The following CACNA2D3 variants were observed in gnomAD, a reference collection of about 807,000 sequenced individuals.
The protein encoded by CACNA2D3 is voltage-dependent calcium channel subunit alpha-2/delta-3.
A neutral mutation model predicts 160.6 loss-of-function variants in CACNA2D3; 60 were observed. The ratio of observed to expected loss-of-function variants is 0.37; its 90% CI spans 0.30 to 0.46. The LOEUF (loss-of-function observed/expected upper bound fraction) is 0.46. Among genes scored for constraint, CACNA2D3 ranks in the 20% least tolerant of loss-of-function variants. The pLI is 1.00. For missense variants in CACNA2D3, 1,205 were observed against 1,365.0 expected (o/e 0.88, Z 1.85); for synonymous variants, 558 against 492.9 (o/e 1.13, Z -1.75).
intron 27 of CACNA2D3, among the ~76,000 whole-genome samples, chr3:54,950,573 G>T (rs1701733253): frequency 6.6e-6 from 1 of 152,204 alleles, no homozygotes. Flanking sequence ...GCAATTCAAA[G>T]AATGCTGCTT....
chr3:54,752,751 A>T, intron 12 of CACNA2D3, 74 bp downstream of exon 12: 1 of 1,030,606 alleles, frequency 9.7e-7, no homozygotes, highest in Non-Finnish European at 1.5e-6. Flanking sequence ...TTCATGAGAA[A>T]GTAGAGAGTT....
intron 9 of CACNA2D3, among the ~76,000 whole-genome samples, chr3:54,615,628 A>C (rs570426110): frequency 8.1e-4 from 123 of 152,340 alleles, no homozygotes; most frequent in African/African-American, 2.9e-3. Context: ...TTTGTTTTTA[A>C]AATGTTTACA....
At chr3:54,488,888 A>G (rs1005824778) in intron 4 of CACNA2D3, among the ~76,000 whole-genome samples, 1 of 152,148 alleles carries the variant, frequency 6.6e-6, no homozygotes, top group Admixed American at 6.5e-5. Context: ...CAAGATCCCC[A>G]GTCAAGGAGT....
At chr3:54,556,749 T>C (rs1205073338) in intron 5 of CACNA2D3, among the ~76,000 whole-genome samples, 1 of 152,146 alleles carries the variant, frequency 6.6e-6, no homozygotes, top group Non-Finnish European at 1.5e-5. Context: ...CTCAGCAGGT[T>C]GCTGTCATTT....
At chr3:54,337,530 T>G (rs1252264168) in intron 3 of CACNA2D3, among the ~76,000 whole-genome samples, 2 of 152,226 alleles carry the variant, frequency 1.3e-5, no homozygotes, top group African/African-American at 4.8e-5. Flanking sequence ...TGTCTCTGCA[T>G]TAGTGGAAAA....
intron 2 of CACNA2D3, among the ~76,000 whole-genome samples, chr3:54,286,172 A>C (rs1424100379): frequency 1.3e-5 from 2 of 152,208 alleles, no homozygotes; most frequent in Non-Finnish European, 2.9e-5. Flanking sequence ...AAGAAGTTAA[A>C]AACTTTGAAA....
Position 54,925,360 on chromosome 3 carries a change from G to A in CACNA2D3, c.2449+25492G>A, listed in dbSNP as rs549638400. ...TGCAAGAGAGGTTCTGTCACTCACC[G>A]TCTTTAGTAGAGCCAGGCTGGTCAG... On this transcript the variant is annotated intron_variant, in intron 27 of 37. Transcript: ENST00000474759. The A allele has an allele frequency of 5.2e-5, 34 of 657,376 alleles. 1 individual carries two copies. The highest frequency in any genetic ancestry group is 2.3e-4 in the African/African-American group (13 of 55,446). 40.7% of individuals were successfully genotyped at this position (657,376 alleles called of 1,614,324 possible). A position where few individuals can be genotyped will look rare whatever the true frequency, so the allele number is the denominator to read the frequency against.
At chr3:54,143,813 T>C (rs1276183533) in intron 2 of CACNA2D3, among the ~76,000 whole-genome samples, 1 of 152,176 alleles carries the variant, frequency 6.6e-6, no homozygotes, top group Non-Finnish European at 1.5e-5. Context: ...GTTAATATTT[T>C]GATGTATTTC....
chr3:54,547,182 A>G (rs773121516), intron 5 of CACNA2D3, among the ~76,000 whole-genome samples: 7 of 152,188 alleles, frequency 4.6e-5, no homozygotes, highest in African/African-American at 1.7e-4. Context: ...GTCCTTGTTA[A>G]TAGTTCTTGG....
intron 2 of CACNA2D3, among the ~76,000 whole-genome samples, chr3:54,191,913 A>T (rs1302782741): frequency 6.6e-6 from 1 of 152,186 alleles, no homozygotes; most frequent in Non-Finnish European, 1.5e-5. Flanking sequence ...ACAACACCAA[A>T]TCCACTGTGT....
intron 27 of CACNA2D3, among the ~76,000 whole-genome samples, chr3:54,945,689 G>A (rs1290050396): frequency 6.6e-6 from 1 of 152,168 alleles, no homozygotes; most frequent in Non-Finnish European, 1.5e-5. Flanking sequence ...CCAAATGCAG[G>A]TTTGACAGTG....
At chr3:54,476,285 CA>C (rs1323852382) in intron 4 of CACNA2D3, among the ~76,000 whole-genome samples, 6 of 149,902 alleles carry the variant, frequency 4.0e-5, no homozygotes, top group African/African-American at 7.3e-5. Context: ...ACATATATCA[CA>C]TTTTTTTTAT....
At chr3:54,845,236 G>T (rs950828638) in intron 16 of CACNA2D3, among the ~76,000 whole-genome samples, 1 of 152,164 alleles carries the variant, frequency 6.6e-6, no homozygotes, top group Non-Finnish European at 1.5e-5. Context: ...ACTTTTAATT[G>T]CCAGTGTTAA....
At chr3:54,202,014 A>C (rs1362269346) in intron 2 of CACNA2D3, among the ~76,000 whole-genome samples, 1 of 152,226 alleles carries the variant, frequency 6.6e-6, no homozygotes, top group Non-Finnish European at 1.5e-5. Context: ...ATTTCAGATA[A>C]ATAACACATA....
At chr3:54,294,258 A>T (rs1174378097) in intron 2 of CACNA2D3, among the ~76,000 whole-genome samples, 1 of 152,172 alleles carries the variant, frequency 6.6e-6, no homozygotes, top group Non-Finnish European at 1.5e-5. Context: ...GCCCATTTGC[A>T]CTTGGTCTTG....
intron 5 of CACNA2D3, among the ~76,000 whole-genome samples, chr3:54,533,331 C>CT (rs1701833999): frequency 1.2e-5 from 1 of 84,888 alleles, no homozygotes; most frequent in African/African-American, 4.3e-5. Flanking sequence ...TCTTTTCTTT[C>CT]CTTTTTTTTT....
intron 31 of CACNA2D3, among the ~76,000 whole-genome samples, chr3:54,994,500 A>G (rs1258541398): frequency 6.6e-6 from 1 of 152,184 alleles, no homozygotes; most frequent in Non-Finnish European, 1.5e-5. Context: ...AACTTTCTGG[A>G]AGGCAGAGAC....
chr3:54,262,305 G>A (rs79222989), intron 2 of CACNA2D3, among the ~76,000 whole-genome samples: 5,191 of 152,242 alleles, frequency 0.034, 114 homozygotes, highest in Non-Finnish European at 0.053. Context: ...ATGTGAGATG[G>A]AAGAGGCATC....
chr3:54,141,512 G>C (rs1699934885), intron 2 of CACNA2D3, among the ~76,000 whole-genome samples: 1 of 152,206 alleles, frequency 6.6e-6, no homozygotes, highest in Non-Finnish European at 1.5e-5. Flanking sequence ...GCTGGGTTAA[G>C]AGAGGAAGAG....
Sources: allele counts gnomAD v4.1 joint callset (sites outside exome capture counted in the v4.1 genomes callset), GRCh38; gene constraint gnomAD v4.1.1; transcripts MANE v1.5; gene names NCBI Gene and HGNC (gene_info 2026-07-23, HGNC 2026-07-21).